Variants in DPY19L4 observed in about 807,000 individuals in gnomAD.
The protein encoded by DPY19L4 is dpy-19 like 4, also known as probable C-mannosyltransferase DPY19L4.
In DPY19L4, 97 loss-of-function variants were observed where a neutral mutation model predicts 102.8. The ratio of observed to expected loss-of-function variants is 0.94; its 90% CI spans 0.80 to 1.12. The LOEUF (loss-of-function observed/expected upper bound fraction) is 1.12, where lower values mean the gene tolerates loss of function less well. Ranked by LOEUF, DPY19L4 falls within the 50% of genes most tolerant of loss-of-function variation. The pLI is 0.00. For synonymous variants in DPY19L4, 252 were observed against 283.1 expected (o/e 0.89, Z 1.10); for missense variants, 815 against 850.4 (o/e 0.96, Z 0.52).
chr8:94,780,736 T>C (rs142794326), intron 15 of DPY19L4, among the ~76,000 whole-genome samples: 4 of 152,302 alleles, frequency 2.6e-5, no homozygotes, highest in African/African-American at 9.6e-5. Flanking sequence ...ATCTATGAAA[T>C]GATATAAATT....
At chr8:94,749,133 GC>G (rs752067942) in intron 6 of DPY19L4, among the ~76,000 whole-genome samples, 1 of 152,152 alleles carries the variant, frequency 6.6e-6, no homozygotes, top group East Asian at 1.9e-4. Flanking sequence ...GGAAAGACTT[GC>G]CCCCATGATT....
rs1812395642 is a variant in DPY19L4, at chr8:94,761,622, A to C, written c.736-78A>C. 4 of 1,294,598 alleles carry C rather than the reference A, an allele frequency of 3.1e-6. 1 individual carries two copies. The East Asian group carries it at 7.8e-5, about 25-fold the overall frequency. 80.2% of individuals were successfully genotyped at this position (1,294,598 alleles called of 1,614,324 possible). A position where few individuals can be genotyped will look rare whatever the true frequency, so the allele number is the denominator to read the frequency against. ...AAGTTGAACGAGTAACAGAGCTACA[A>C]CTTTGAGGTAACAGTCTCATAGGCT... On this transcript the variant is annotated intron_variant, in intron 7 of 18. Transcript: ENST00000414645.
At chr8:94,774,501 CTG>C (rs1040310373) in intron 13 of DPY19L4, among the ~76,000 whole-genome samples, 35 of 151,910 alleles carry the variant, frequency 2.3e-4, no homozygotes, top group Admixed American at 1.3e-4. Context: ...AAATCTAAAA[CTG>C]TGTATCAATG....
rs550928489 is a variant in DPY19L4, at chr8:94,774,680, C to T, written c.1455-2986C>T. Among the ~76,000 whole-genome samples, 343 of 151,542 alleles carry T rather than the reference C, an allele frequency of 2.3e-3. 1 individual carries two copies. The highest frequency in any genetic ancestry group is 7.8e-3 in the African/African-American group (322 of 41,254). On this transcript the variant is annotated intron_variant, in intron 13 of 18. Transcript: ENST00000414645. ...GCAACCTCCACCTCCTGGATTCAAG[C>T]GATTCTCCTGCCTCAGCCTCCTGAG... is the stretch of plus-strand genomic sequence containing the variant.
chr8:94,737,359 A>G (rs1426791334), intron 3 of DPY19L4, among the ~76,000 whole-genome samples: 2 of 152,010 alleles, frequency 1.3e-5, no homozygotes, highest in Admixed American at 6.6e-5. Context: ...TATTTTTAGT[A>G]GAGACAGGGT....
chr8:94,760,946 T>C (rs966226788), intron 7 of DPY19L4, among the ~76,000 whole-genome samples: 2 of 152,200 alleles, frequency 1.3e-5, no homozygotes, highest in African/African-American at 2.4e-5. Flanking sequence ...AAGTTTAATA[T>C]GGCTGACAGT....
intron 6 of DPY19L4, chr8:94,745,149 T>C (rs1811612996): frequency 6.5e-6 from 1 of 154,052 alleles, no homozygotes; most frequent in African/African-American, 2.4e-5. Flanking sequence ...GAAAGCAGGG[T>C]TATAAAATCG....
intron 2 of DPY19L4, among the ~76,000 whole-genome samples, chr8:94,731,079 G>C (rs60005911): frequency 1.1e-3 from 162 of 146,094 alleles, no homozygotes; most frequent in African/African-American, 4.0e-3. Context: ...AAAAAAATTA[G>C]TATTAAGGTT....
intron 16 of DPY19L4, 28 bp from the exon 17 acceptor site, chr8:94,783,642 G>T: frequency 6.2e-7 from 1 of 1,609,460 alleles, no homozygotes; most frequent in Non-Finnish European, 8.5e-7. Context: ...TGCCTTTTCA[G>T]TGTGCAAATC....
At chr8:94,785,485 A>G (rs961011239) in intron 17 of DPY19L4, among the ~76,000 whole-genome samples, 1 of 152,238 alleles carries the variant, frequency 6.6e-6, no homozygotes, top group South Asian at 2.1e-4. Context: ...AAAAAGTAAC[A>G]TGAGCCAAGG....
intron 2 of DPY19L4, among the ~76,000 whole-genome samples, chr8:94,727,219 ATGAT>A (rs561232916): frequency 1.3e-4 from 20 of 152,270 alleles, no homozygotes; most frequent in African/African-American, 2.6e-4. Flanking sequence ...ATTTACAGCT[ATGAT>A]TGATTGATTG....
At chr8:94,723,126 AAT>A (rs989183493) in intron 1 of DPY19L4, among the ~76,000 whole-genome samples, 1 of 152,224 alleles carries the variant, frequency 6.6e-6, no homozygotes, top group Non-Finnish European at 1.5e-5. Flanking sequence ...GTGGATGTGT[AAT>A]CATCTTCATT....
At chr8:94,748,170 C>G (rs1480142335) in intron 6 of DPY19L4, among the ~76,000 whole-genome samples, 1 of 152,136 alleles carries the variant, frequency 6.6e-6, no homozygotes, top group Non-Finnish European at 1.5e-5. Flanking sequence ...CAGGATGTCA[C>G]TTGTGGGTGC....
chr8:94,723,640 G>A (rs1810568062), intron 1 of DPY19L4, among the ~76,000 whole-genome samples: 1 of 152,120 alleles, frequency 6.6e-6, no homozygotes, highest in African/African-American at 2.4e-5. Flanking sequence ...GTTAGCTTTA[G>A]GGATAAGGTT....
chr8:94,788,647 G>T (rs566149765), intron 18 of DPY19L4, among the ~76,000 whole-genome samples: 7 of 151,740 alleles, frequency 4.6e-5, no homozygotes, highest in African/African-American at 1.5e-4. Flanking sequence ...ACGCACGCGC[G>T]CGCGCATGTG....
At chr8:94,735,644 G>A (rs952653010) in intron 3 of DPY19L4, among the ~76,000 whole-genome samples, 13 of 152,152 alleles carry the variant, frequency 8.5e-5, no homozygotes, top group Non-Finnish European at 2.9e-5. Flanking sequence ...TGTTGTATAG[G>A]CAGAACTGAG....
At chr8:94,725,699 G>C (rs1315687620) in intron 1 of DPY19L4, among the ~76,000 whole-genome samples, 1 of 151,974 alleles carries the variant, frequency 6.6e-6, no homozygotes, top group Admixed American at 6.6e-5. Context: ...GCAGTGGCAC[G>C]ATCTCGGCTC....
intron 6 of DPY19L4, among the ~76,000 whole-genome samples, chr8:94,755,630 C>T (rs1458688688): frequency 6.6e-6 from 1 of 151,966 alleles, no homozygotes; most frequent in African/African-American, 2.4e-5. Context: ...TGCGGTGGCT[C>T]ATGCCTGTAA....
At chr8:94,721,244 C>T (rs574186910) in intron 1 of DPY19L4, among the ~76,000 whole-genome samples, 3 of 152,186 alleles carry the variant, frequency 2.0e-5, no homozygotes, top group East Asian at 1.9e-4. Context: ...CGGGTCCAGC[C>T]GACTCAAGCC....
Sources: allele counts gnomAD v4.1 joint callset (sites outside exome capture counted in the v4.1 genomes callset), GRCh38; gene constraint gnomAD v4.1.1; transcripts MANE v1.5; gene names NCBI Gene and HGNC (gene_info 2026-07-23, HGNC 2026-07-21).